DCST2: variants seen among roughly 807,000 people sequenced by gnomAD.
DCST2 encodes DC-STAMP domain-containing protein 2.
A neutral mutation model predicts 81.8 loss-of-function variants in DCST2; 64 were observed. The observed-to-expected ratio is 0.78, with a 90% CI of 0.64 to 0.96. The LOEUF is 0.96. Ranked by LOEUF, DCST2 falls within the 40% of genes least tolerant of loss-of-function variation. The pLI, the probability that DCST2 is intolerant of heterozygous loss-of-function variation, is 0.00. For synonymous variants in DCST2, 354 were observed against 402.6 expected (o/e 0.88, Z 1.44); for missense variants, 945 against 1,001.4 (o/e 0.94, Z 0.76).
intron 10 of DCST2, 78 bp from the exon 11 acceptor site, chr1:155,024,680 TACC>T: frequency 7.1e-7 from 1 of 1,406,018 alleles, no homozygotes; most frequent in Non-Finnish European, 9.3e-7. Flanking sequence ...ACCCACTACC[TACC>T]TTTTCCTTCT....
intron 14 of DCST2, among the ~76,000 whole-genome samples, chr1:155,022,770 T>C (rs1659788739): frequency 6.6e-6 from 1 of 151,986 alleles, no homozygotes; most frequent in Non-Finnish European, 1.5e-5. Context: ...AAAACAAAAA[T>C]CCAGCTCATG....
chr1:155,032,777 T>C lies in DCST2; in HGVS notation c.440-9A>G. The C allele has an allele frequency of 6.2e-7, 1 of 1,611,704 alleles. No individual in the cohort carries two copies. The highest frequency in any genetic ancestry group is 8.5e-7 in the Non-Finnish European group (1 of 1,177,810). On this transcript the variant is annotated splice_polypyrimidine_tract_variant and intron_variant, in intron 2 of 14. Coordinates refer to ENST00000368424, the MANE Select transcript of DCST2 (RefSeq NM_144622.3). ...AATCTTGTTCAGGGCACCTGATGGG[T>C]GAGGGACAGAGGCACTTTGGAGTCT...
At position 155,018,779 on chromosome 1, in the gene DCST2, G is replaced by T. The variant is rs769904579; in HGVS notation, c.2106-19C>A. ...CAGGTCACTAGTGAGGAGAGGAAGGGGGTGGCCGGATCACCCACCTTCTGT... is the reference window on the plus strand; with the variant it reads ...CAGGTCACTAGTGAGGAGAGGAAGGTGGTGGCCGGATCACCCACCTTCTGT... On this transcript the variant is annotated intron_variant, in intron 14 of 14. Coordinates refer to ENST00000368424, the MANE Select transcript of DCST2 (RefSeq NM_144622.3). The T allele has an allele frequency of 3.7e-6, 6 of 1,607,704 alleles. No individual in the cohort carries two copies. In the South Asian group the frequency reaches 4.4e-5, roughly 12 times the overall value.
At chr1:155,029,206 G>A in intron 8 of DCST2, 27 bp downstream of exon 8, 1 of 1,610,312 alleles carries the variant, frequency 6.2e-7, no homozygotes, top group Non-Finnish European at 8.5e-7. Flanking sequence ...TGGGTGAGTG[G>A]GAGGAGGCTG....
intron 13 of DCST2, 30 bp from the exon 14 acceptor site, chr1:155,023,287 C>G (rs1264200409): frequency 4.3e-6 from 7 of 1,613,846 alleles, no homozygotes; most frequent in Non-Finnish European, 5.9e-6. Flanking sequence ...CAGTGGCCTG[C>G]AGACATCCTG....
rs1177856961 is a variant in DCST2, at chr1:155,023,387, G to C, written c.1941C>G (p.Tyr647Ter). The part of the protein sequence containing the change: ...TCSVCASPLS[Y>*]QGDLDLELDS... ...ACAGCTCCAGGTCCAGGTCCCCCTG[G>C]TAGGAGAGGGGAGATGCACACACGG... Residue 647 changes from tyrosine to a stop codon, truncating the protein, a stop_gained, in exon 13 of 15, where the codon TAC becomes TAG. Coordinates refer to ENST00000368424, the MANE Select transcript of DCST2 (RefSeq NM_144622.3). LOFTEE classifies it high-confidence loss of function. The C allele has an allele frequency of 6.2e-7, 1 of 1,608,680 alleles. No individual in the cohort carries two copies. The highest frequency in any genetic ancestry group is 2.2e-5 in the East Asian group (1 of 44,740).
At chr1:155,019,526 G>A (rs1330916004) in intron 14 of DCST2, among the ~76,000 whole-genome samples, 3 of 152,114 alleles carry the variant, frequency 2.0e-5, no homozygotes, top group African/African-American at 7.2e-5. Context: ...CCTGGCCATG[G>A]CCCCCTCTCT....
intron 2 of DCST2, 79 bp downstream of exon 2, chr1:155,033,015 G>T: frequency 7.0e-7 from 1 of 1,424,330 alleles, no homozygotes; most frequent in East Asian, 2.5e-5. Flanking sequence ...AGAGAAGGAG[G>T]CCAAAGGACT....
At chr1:155,023,787 G>A (rs1283572721) in intron 12 of DCST2, 45 bp downstream of exon 12, 1 of 1,609,638 alleles carries the variant, frequency 6.2e-7, no homozygotes. Flanking sequence ...TATGCAAGTG[G>A]GGTAAGTCCG....
chr1:155,032,607 G>T, intron 3 of DCST2, 60 bp downstream of exon 3: 1 of 1,470,970 alleles, frequency 6.8e-7, no homozygotes, highest in Non-Finnish European at 9.5e-7. Context: ...ATGAGCCACC[G>T]CACCCGGCCA....
chr1:155,021,055 G>T (rs1021995092), intron 14 of DCST2, among the ~76,000 whole-genome samples: 1 of 151,560 alleles, frequency 6.6e-6, no homozygotes, highest in African/African-American at 2.4e-5. Context: ...GCTAAAATGC[G>T]GTGGCACAAT....
At chr1:155,025,878 C>T (rs1252807736) in intron 10 of DCST2, among the ~76,000 whole-genome samples, 1 of 146,836 alleles carries the variant, frequency 6.8e-6, no homozygotes, top group African/African-American at 2.5e-5. Flanking sequence ...TTCTTTCTTT[C>T]TTTTTTTTTT....
At chr1:155,023,539 C>T (rs1421882973) in intron 12 of DCST2, 82 bp from the exon 13 acceptor site, 1 of 1,549,240 alleles carries the variant, frequency 6.5e-7, no homozygotes, top group East Asian at 2.4e-5. Context: ...GCCCCTGCCT[C>T]CCCTATCACA....
intron 9 of DCST2, 31 bp downstream of exon 9, chr1:155,026,517 G>A (rs557270335): frequency 2.1e-5 from 34 of 1,613,074 alleles, no homozygotes; most frequent in East Asian, 1.1e-4. Flanking sequence ...TGGTGTCCAC[G>A]CCCCCAGGGA....
intron 10 of DCST2, among the ~76,000 whole-genome samples, chr1:155,025,454 G>A (rs1035122118): frequency 3.3e-5 from 5 of 151,346 alleles, no homozygotes; most frequent in South Asian, 2.1e-4. Flanking sequence ...TCAGCCTACC[G>A]AGTAGCTGGG....
chr1:155,026,237 G>A (rs1659904503), intron 10 of DCST2, 65 bp downstream of exon 10: 1 of 1,543,180 alleles, frequency 6.5e-7, no homozygotes, highest in Middle Eastern at 1.9e-4. Context: ...AGCCAAAAAA[G>A]CCAGCCACTA....
In DCST2 at chr1:155,023,357, G is replaced by A; in HGVS notation, c.1964+7C>T. ...CTCCAGCCACCCCATGTCACTGAAAGACTCACAGCTCCAGGTCCAGGTCCC... is the reference window on the plus strand; with the variant it reads ...CTCCAGCCACCCCATGTCACTGAAAAACTCACAGCTCCAGGTCCAGGTCCC... On this transcript the variant is annotated splice_region_variant and intron_variant, in intron 13 of 14. Coordinates refer to ENST00000368424, the MANE Select transcript of DCST2 (RefSeq NM_144622.3). 1 of 1,609,254 alleles carries A rather than the reference G, an allele frequency of 6.2e-7. No homozygotes were observed. Among genetic ancestry groups the A allele is most frequent in the East Asian group, 2.2e-5 (1 of 44,740 alleles).
At position 155,030,541 on chromosome 1, in the gene DCST2, C is replaced by T. The variant is rs144139932; in HGVS notation, c.910G>A (p.Val304Ile). The T allele has an allele frequency of 1.0e-4, 165 of 1,613,978 alleles. No individual in the cohort carries two copies. Among genetic ancestry groups the T allele is most frequent in the South Asian group, 1.5e-4 (14 of 91,094 alleles). Residue 304 changes from valine to isoleucine, a missense_variant, in exon 6 of 15, where the codon GTA (valine) becomes ATA (isoleucine). By Grantham distance (29) the Val-to-Ile change is conservative. Coordinates refer to ENST00000368424, the MANE Select transcript of DCST2 (RefSeq NM_144622.3). ...ACAGCCTCGTGGAGGTCCATGGCTA[C>T]CTGGGACAGGCTCCGAGAGGCATTG... is the stretch of plus-strand genomic sequence containing the variant. ...DLNASRSLSQVAMDLHEAVSM... is the reference protein window; with the variant it reads ...DLNASRSLSQIAMDLHEAVSM...
At chr1:155,023,796 C>T (rs763818828) in intron 12 of DCST2, 36 bp downstream of exon 12, 15 of 1,610,266 alleles carry the variant, frequency 9.3e-6, no homozygotes, top group South Asian at 3.3e-5. Context: ...GGGGTAAGTC[C>T]GAGCAGGGAG....
Sources: allele counts gnomAD v4.1 joint callset (sites outside exome capture counted in the v4.1 genomes callset), GRCh38; gene constraint gnomAD v4.1.1; transcripts MANE v1.5; gene names NCBI Gene and HGNC (gene_info 2026-07-23, HGNC 2026-07-21).